Variants in ACE observed in about 807,000 individuals in gnomAD.
ACE encodes the protein angiotensin-converting enzyme.
Under a neutral mutation model 162.3 loss-of-function variants are expected in ACE, and 122 were observed. That is an observed-to-expected ratio of 0.75 (90% CI 0.65 to 0.87). ACE has a LOEUF of 0.87. Ranked by LOEUF, ACE falls within the 40% of genes least tolerant of loss-of-function variation. The probability of loss-of-function intolerance (pLI) is 0.00; values close to 1 mark genes in which losing one functional copy is unlikely to be tolerated. For synonymous variants in ACE, 796 were observed against 720.6 expected, an observed-to-expected ratio of 1.10 and a Z score of -1.68; for missense variants, 1,799 against 1,735.1, an observed-to-expected ratio of 1.04 and a Z score of -0.65.
In ACE at chr17:63,478,103, G is replaced by A. The variant is rs1261919645; in HGVS notation, c.417+5G>A. Reference sequence around the variant, plus strand: ...CCCCTGGCTAAGCGGCAGCAGGTGGGCTGAGGGCTGAGGCAGAGCTCGGGG... The same window carrying A: ...CCCCTGGCTAAGCGGCAGCAGGTGGACTGAGGGCTGAGGCAGAGCTCGGGG... On this transcript the variant is annotated splice_donor_5th_base_variant and intron_variant, in intron 2 of 24. Transcript: ENST00000290866. 1.3e-6 allele frequency: 2 copies of A among 1,572,928 alleles called. No homozygotes were observed. Among genetic ancestry groups the A allele is most frequent in the Non-Finnish European group, 1.7e-6 (2 of 1,159,302 alleles).
In ACE at chr17:63,491,340, C is replaced by T. The variant is rs2030370724; in HGVS notation, c.2871C>T (p.Cys957=). The change falls in exon 19 of 25, where the codon TGC becomes TGT. Residue 957 remains cysteine (C), a synonymous_variant. Coordinates refer to ENST00000290866, the MANE Select transcript of ACE (RefSeq NM_000789.4). The surrounding 1 kb of genome is among the most constrained non-coding windows in gnomAD (Gnocchi z 4.4). The stretch of plus-strand genomic sequence containing the variant: ...CAACCGACGGGCGGGAGGTGGTCTG[C>T]CACGCCTCGGCCTGGGACTTCTACA... ...EKPTDGREVV[C]HASAWDFYNG... is the part of the protein sequence containing the mutation. The T allele has an allele frequency of 1.9e-6, 3 of 1,614,138 alleles. No homozygotes were observed. Among genetic ancestry groups the T allele is most frequent in the African/African-American group, 2.7e-5 (2 of 75,042 alleles).
Position 63,488,986 on chromosome 17 carries a change from C to A in ACE, c.2495C>A (p.Pro832Gln). ...GDSWRSMYET[P>Q]SLEQDLERLF... ...TCGTGGAGGTCTATGTACGAGACAC[C>A]ATCCCTGGAGCAAGACCTGGAGCGG... Residue 832 changes from proline to glutamine, a missense_variant, in exon 17 of 25, where the codon CCA becomes CAA. Transcript: ENST00000290866. 6.2e-7 allele frequency: 1 copy of A among 1,614,166 alleles called. No homozygotes were observed. The highest frequency in any genetic ancestry group is 1.1e-5 in the South Asian group (1 of 91,068).
chr17:63,482,651 A>G lies in ACE; in HGVS notation c.1304A>G (p.His435Arg). 7 of 1,613,890 alleles carry G rather than the reference A, an allele frequency of 4.3e-6. 1 individual carries two copies. In the South Asian group the frequency reaches 6.6e-5, roughly 15 times the overall value. Residue 435 changes from histidine (H) to arginine (R), a missense_variant, in exon 8 of 25, where the codon CAC becomes CGC. His to Arg is a conservative substitution (Grantham distance 29, BLOSUM62 0). Transcript: ENST00000290866. ...TCGGTCTCCACTCCTGAACATCTGC[A>G]CAAAATCGGCCTGCTGGACCGTGTC... ...ALSVSTPEHL[H>R]KIGLLDRVTN...
chr17:63,486,729 A>G lies in ACE; in HGVS notation c.2217+14A>G, dbSNP rs548286743. 2.2e-4 allele frequency: 357 copies of G among 1,614,126 alleles called. 5 individuals carry two copies. The South Asian group carries it at 3.9e-3, about 17-fold the overall frequency. On this transcript the variant is annotated intron_variant, in intron 14 of 24. Coordinates refer to ENST00000290866, the MANE Select transcript of ACE (RefSeq NM_000789.4). ...GAGCTGGAGGAGGTGTGTGGCTCGC[A>G]AGGTACAGGGAGAGGGGAATCCTGG...
At position 63,491,181 on chromosome 17, in the gene ACE, GT is replaced by G. The variant is rs1191487613; in HGVS notation, c.2740-25del. ...ACGCAGTCTGTCCCCGGAACCCCCA[GT>G]TTGGGCAGAACTCCCTCTGCTTGCA... On this transcript the variant is annotated intron_variant, in intron 18 of 24. Coordinates refer to ENST00000290866, the MANE Select transcript of ACE (RefSeq NM_000789.4). This position sits in a 1 kb window ranked among gnomAD's most constrained non-coding sequence, Gnocchi z 4.4. 1 of 1,613,500 alleles carries G rather than the reference GT, an allele frequency of 6.2e-7. No homozygotes were observed. Among genetic ancestry groups the G allele is most frequent in the Non-Finnish European group, 8.5e-7 (1 of 1,180,014 alleles).
chr17:63,494,432 G>A lies in ACE; in HGVS notation c.3342G>A (p.Gly1114=). ...GGACTCAAGGTGACTTTGACCCAGG[G>A]GCCAAGTTCCACATTCCTTCTAGCG... The part of the protein sequence containing the change: ...VPRTQGDFDP[G]AKFHIPSSVP... The change falls in exon 22 of 25, where the codon GGG becomes GGA. Residue 1114 remains glycine, a synonymous_variant. Transcript: ENST00000290866. 1.2e-6 allele frequency: 2 copies of A among 1,614,126 alleles called. No individual in the cohort carries two copies. The highest frequency in any genetic ancestry group is 1.1e-5 in the South Asian group (1 of 91,070).
At chr17:63,493,764 G>C (rs1208102779) in intron 20 of ACE, 105 bp downstream of exon 20, 8 of 1,522,048 alleles carry the variant, frequency 5.3e-6, no homozygotes, top group African/African-American at 1.4e-5. Context: ...GAGGTGTGGG[G>C]CAGAGCAATC....
chr17:63,480,291 TC>T, intron 4 of ACE, 45 bp from the exon 5 acceptor site: 1 of 1,600,294 alleles, frequency 6.2e-7, no homozygotes, highest in Admixed American at 1.7e-5. Flanking sequence ...GAGGCTGAGG[TC>T]CGAGCCTTTG....
rs1351210343 is a variant in ACE, at chr17:63,484,964, C to T, written c.1922-272C>T. ...GCTGGTCCCCAGCCAGGAGGCATCC[C>T]AACAGGTGACAGTCACCCATGGGAC... On this transcript the variant is annotated intron_variant, in intron 12 of 24. Transcript: ENST00000290866. The surrounding 1 kb of genome is among the most constrained non-coding windows in gnomAD (Gnocchi z 4.0). The T allele has an allele frequency of 1.2e-6, 2 of 1,605,704 alleles. No homozygotes were observed. The highest frequency in any genetic ancestry group is 2.2e-5 in the South Asian group (2 of 89,486).
At chr17:63,478,152 G>T in intron 2 of ACE, 54 bp downstream of exon 2, 2 of 1,545,086 alleles carry the variant, frequency 1.3e-6, no homozygotes, top group Non-Finnish European at 1.7e-6. Flanking sequence ...GCCCCATCGT[G>T]GGGGTCGGGG....
At chr17:63,483,743 C>T in intron 10 of ACE, 106 bp from the exon 11 acceptor site, 1 of 1,588,688 alleles carries the variant, frequency 6.3e-7, no homozygotes, top group Non-Finnish European at 8.6e-7. Context: ...CCCAAGATAG[C>T]TTCTGGTCCA....
intron 3 of ACE, 114 bp downstream of exon 3, chr17:63,479,214 G>A: frequency 1.1e-6 from 1 of 884,194 alleles, no homozygotes; most frequent in East Asian, 2.6e-5. Context: ...TAAACCCAAA[G>A]GTGTTGCCCT....
At position 63,493,530 on chromosome 17, in the gene ACE, C is replaced by A; in HGVS notation, c.3007C>A (p.Pro1003Thr). Reference sequence around the variant, plus strand: ...GTATTTCATGCAGTACAAAGACTTACCTGTGGCCTTGAGGGAGGGTGCCAA... The same window carrying A: ...GTATTTCATGCAGTACAAAGACTTAACTGTGGCCTTGAGGGAGGGTGCCAA... ...IQYFMQYKDL[P>T]VALREGANPG... The change falls in exon 20 of 25, where the codon CCT (proline) becomes ACT (threonine). Residue 1003 changes from proline to threonine, a missense_variant. Coordinates refer to ENST00000290866, the MANE Select transcript of ACE (RefSeq NM_000789.4). The A allele has an allele frequency of 1.2e-6, 2 of 1,614,114 alleles. No individual in the cohort carries two copies. The highest frequency in any genetic ancestry group is 1.7e-6 in the Non-Finnish European group (2 of 1,180,040).
Position 63,490,949 on chromosome 17 carries a change from T to C in ACE, c.2642-5T>C, listed in dbSNP as rs770020441. The C allele has an allele frequency of 1.9e-6, 3 of 1,614,052 alleles. No individual in the cohort carries two copies. In the East Asian group the frequency reaches 6.7e-5, roughly 36 times the overall value. On this transcript the variant is annotated splice_polypyrimidine_tract_variant and splice_region_variant and intron_variant, in intron 17 of 24. Coordinates refer to ENST00000290866, the MANE Select transcript of ACE (RefSeq NM_000789.4). ...CTCTCTGCCGTCCCCCACACTCGCCTCCAGGGAACATGTGGGCGCAGACCT... is the reference window on the plus strand; with the variant it reads ...CTCTCTGCCGTCCCCCACACTCGCCCCCAGGGAACATGTGGGCGCAGACCT...
At position 63,491,340 on chromosome 17, in the gene ACE, C is replaced by G; in HGVS notation, c.2871C>G (p.Cys957Trp). 1 of 1,614,138 alleles carries G rather than the reference C, an allele frequency of 6.2e-7. No individual in the cohort carries two copies. Among genetic ancestry groups the G allele is most frequent in the East Asian group, 2.2e-5 (1 of 44,864 alleles). Reference protein sequence around the residue: ...EKPTDGREVVCHASAWDFYNG... With the variant: ...EKPTDGREVVWHASAWDFYNG... ...CAACCGACGGGCGGGAGGTGGTCTGCCACGCCTCGGCCTGGGACTTCTACA... is the reference window on the plus strand; with the variant it reads ...CAACCGACGGGCGGGAGGTGGTCTGGCACGCCTCGGCCTGGGACTTCTACA... The change falls in exon 19 of 25, where the codon TGC (cysteine) becomes TGG (tryptophan). Residue 957 changes from cysteine (C) to tryptophan (W), a missense_variant. Coordinates refer to ENST00000290866, the MANE Select transcript of ACE (RefSeq NM_000789.4). The surrounding 1 kb of genome is among the most constrained non-coding windows in gnomAD (Gnocchi z 4.4).
In ACE at chr17:63,482,660, G is replaced by A. The variant is rs757908100; in HGVS notation, c.1313G>A (p.Gly438Asp). The A allele has an allele frequency of 3.1e-6, 5 of 1,613,848 alleles. No individual in the cohort carries two copies. In the South Asian group the frequency reaches 5.5e-5, roughly 18 times the overall value. ...VSTPEHLHKI[G>D]LLDRVTNDTE... Reference sequence around the variant, plus strand: ...ACTCCTGAACATCTGCACAAAATCGGCCTGCTGGACCGTGTCACCAATGAC... The same window carrying A: ...ACTCCTGAACATCTGCACAAAATCGACCTGCTGGACCGTGTCACCAATGAC... Residue 438 changes from glycine to aspartate, a missense_variant, in exon 8 of 25, where the codon GGC becomes GAC. Gly to Asp is a moderately conservative substitution (Grantham distance 94). Coordinates refer to ENST00000290866, the MANE Select transcript of ACE (RefSeq NM_000789.4).
At position 63,485,365 on chromosome 17, in the gene ACE, A is replaced by G. The variant is rs1208760916; in HGVS notation, c.2051A>G (p.Lys684Arg). ...ACCAACATCACCACAGAGACCAGCAAGATTCTGGTGGGAGCCACCTCCCCA... is the reference window on the plus strand; with the variant it reads ...ACCAACATCACCACAGAGACCAGCAGGATTCTGGTGGGAGCCACCTCCCCA... ...YNTNITTETSKILLQKNMQIA... is the reference protein window; with the variant it reads ...YNTNITTETSRILLQKNMQIA... The change falls in exon 13 of 25, where the codon AAG (lysine) becomes AGG (arginine). Residue 684 changes from lysine to arginine, a missense_variant. Coordinates refer to ENST00000290866, the MANE Select transcript of ACE (RefSeq NM_000789.4). 1 of 1,614,026 alleles carries G rather than the reference A, an allele frequency of 6.2e-7. No individual in the cohort carries two copies. Among genetic ancestry groups the G allele is most frequent in the Non-Finnish European group, 8.5e-7 (1 of 1,179,990 alleles).
At chr17:63,493,706 G>T in intron 20 of ACE, 47 bp downstream of exon 20, 1 of 1,601,676 alleles carries the variant, frequency 6.2e-7, no homozygotes, top group African/African-American at 1.3e-5. Flanking sequence ...CCAAGAAAGG[G>T]TGGTGAGCTT....
chr17:63,497,050 C>G (rs754331615), intron 24 of ACE, 65 bp downstream of exon 24: 1 of 1,584,722 alleles, frequency 6.3e-7, no homozygotes, highest in East Asian at 2.3e-5. Context: ...GGCAGCCATG[C>G]GGCTGACCTC....
Sources: gnomAD v4.1 joint callset for allele counts on GRCh38, gnomAD v4.1.1 for gene constraint, Gnocchi (gnomAD v3.1) non-coding constraint, MANE v1.5 for transcripts, NCBI Gene and HGNC (gene_info 2026-07-23, HGNC 2026-07-21) for gene names.